MPDZ: variants seen among roughly 807,000 people sequenced by gnomAD.
MPDZ encodes the protein multiple PDZ domain crumbs cell polarity complex component.
Under a neutral mutation model 239.1 loss-of-function variants are expected in MPDZ, and 234 were observed. That is an observed-to-expected ratio of 0.98 (90% CI 0.88 to 1.09). MPDZ has a LOEUF of 1.09. Among genes scored for constraint, MPDZ ranks in the 50% least tolerant of loss-of-function variants. MPDZ has a pLI of 0.00. For missense variants in MPDZ, 3,175 were observed against 2,510.0 expected, an observed-to-expected ratio of 1.26 and a Z score of -5.66; for synonymous variants, 1,048 against 881.3, an observed-to-expected ratio of 1.19 and a Z score of -3.35.
chr9:13,192,601 A>G (rs886699062), intron 14 of MPDZ, among the ~76,000 whole-genome samples: 3 of 152,190 alleles, frequency 2.0e-5, no homozygotes, highest in Non-Finnish European at 4.4e-5. Context: ...AAGGACAAGG[A>G]GAAGAATAGT....
At chr9:13,147,699 A>G (rs751819606) in intron 25 of MPDZ, 41 bp from the exon 26 acceptor site, 58 of 1,481,886 alleles carry the variant, frequency 3.9e-5, no homozygotes, top group Non-Finnish European at 5.1e-5. Context: ...AAGAATCTAT[A>G]GAACAACAAA....
intron 42 of MPDZ, among the ~76,000 whole-genome samples, chr9:13,112,375 A>G (rs890518948): frequency 7.9e-5 from 12 of 152,200 alleles, no homozygotes; most frequent in African/African-American, 2.7e-4. Context: ...CTAAATGAAA[A>G]TCATGTTGTG....
At position 13,140,016 on chromosome 9, in the gene MPDZ, T is replaced by A; in HGVS notation, c.3974A>T (p.Asp1325Val). 6.2e-7 allele frequency: 1 copy of A among 1,613,304 alleles called. No individual in the cohort carries two copies. The highest frequency in any genetic ancestry group is 8.5e-7 in the Non-Finnish European group (1 of 1,179,684). Residue 1325 changes from aspartate to valine, a missense_variant, in exon 28 of 47, where the codon GAC becomes GTC. Transcript: ENST00000319217. ...SSASKISQDVDKEDEFGYSWK... is the reference protein window; with the variant it reads ...SSASKISQDVVKEDEFGYSWK... ...GCTGTAACCAAACTCATCCTCTTTG[T>A]CCACATCTTGTGAGATTTTGCTTGC...
intron 1 of MPDZ, among the ~76,000 whole-genome samples, chr9:13,260,573 G>C (rs1470642074): frequency 6.6e-6 from 1 of 152,188 alleles, no homozygotes; most frequent in Non-Finnish European, 1.5e-5. Flanking sequence ...CCTAACTCCA[G>C]TGTGACTGAT....
At chr9:13,113,731 T>C in intron 41 of MPDZ, among the ~76,000 whole-genome samples, 200 bp downstream of exon 41, 1 of 152,232 alleles carries the variant, frequency 6.6e-6, no homozygotes, top group East Asian at 1.9e-4. Context: ...TAGTGTATCT[T>C]GTAGGGTAAA....
intron 22 of MPDZ, among the ~76,000 whole-genome samples, chr9:13,164,607 G>A (rs1950841207): frequency 6.6e-6 from 1 of 152,152 alleles, no homozygotes; most frequent in African/African-American, 2.4e-5. Context: ...AGAAGGTAAA[G>A]ATGTTTCCAT....
chr9:13,245,960 T>C (rs1056222840), intron 3 of MPDZ, among the ~76,000 whole-genome samples: 6 of 152,212 alleles, frequency 3.9e-5, no homozygotes, highest in Non-Finnish European at 7.3e-5. Flanking sequence ...CCCAACAGAC[T>C]TGCTAGCACT....
rs376222032 is a variant in MPDZ, at chr9:13,187,332, G to C, written c.2365-946C>G. 1.8e-4 allele frequency among the ~76,000 whole-genome samples: 28 copies of C among 152,150 alleles called. No homozygotes were observed. The East Asian group carries it at 5.2e-3, about 28-fold the overall frequency. On this transcript the variant is annotated intron_variant, in intron 17 of 46. Coordinates refer to ENST00000319217, the MANE Select transcript of MPDZ (RefSeq NM_001378778.1). ...AGACTGCTTCTGAATAACTGGTATG[G>C]TTTCATCTTAAGGACAGTAAAACTA...
intron 1 of MPDZ, among the ~76,000 whole-genome samples, chr9:13,251,153 G>T (rs76331227): frequency 7.2e-6 from 1 of 139,580 alleles, no homozygotes; most frequent in Non-Finnish European, 1.6e-5. Context: ...AAAAAAAAAG[G>T]AAAAGAAAAG....
In MPDZ at chr9:13,143,587, C is replaced by T. The variant is rs1948032970; in HGVS notation, c.3742-23G>A. On this transcript the variant is annotated intron_variant, in intron 26 of 46. Coordinates refer to ENST00000319217, the MANE Select transcript of MPDZ (RefSeq NM_001378778.1). ...TTTCTAAAAGGAAACATAAGAGGCG[C>T]TGAACGCAAAGGAAATGTATTGAAA... The T allele has an allele frequency of 3.2e-6, 5 of 1,580,646 alleles. No homozygotes were observed. The South Asian group carries it at 4.4e-5, about 14-fold the overall frequency.
intron 3 of MPDZ, among the ~76,000 whole-genome samples, chr9:13,239,451 C>T (rs549914130): frequency 1.2e-4 from 18 of 152,066 alleles, no homozygotes; most frequent in Non-Finnish European, 2.5e-4. Context: ...TATAATAGAA[C>T]TAGAACAGTT....
chr9:13,112,083 G>C lies in MPDZ; in HGVS notation c.5665C>G (p.Pro1889Ala), dbSNP rs772187454. 6.2e-7 allele frequency: 1 copy of C among 1,613,568 alleles called. No individual in the cohort carries two copies. The highest frequency in any genetic ancestry group is 8.5e-7 in the Non-Finnish European group (1 of 1,179,592). ...GGVGSPLGDV[P>A]IFIAMMHPTG... ...GGGTGCATCATTGCAATAAATATAG[G>C]CACATCACCAAGTGGGCTGCCTACT... Residue 1889 changes from proline (P) to alanine (A), a missense_variant, in exon 43 of 47, where the codon CCT becomes GCT. Pro to Ala is a conservative substitution (Grantham distance 27). Coordinates refer to ENST00000319217, the MANE Select transcript of MPDZ (RefSeq NM_001378778.1).
Position 13,221,421 on chromosome 9 carries a change from G to T in MPDZ, c.827C>A (p.Ala276Glu). 1 of 1,611,270 alleles carries T rather than the reference G, an allele frequency of 6.2e-7. No individual in the cohort carries two copies. Among genetic ancestry groups the T allele is most frequent in the Non-Finnish European group, 8.5e-7 (1 of 1,178,290 alleles). The change falls in exon 7 of 47, where the codon GCA (alanine) becomes GAA (glutamate). Residue 276 changes from alanine to glutamate, a missense_variant. Ala to Glu is a moderately radical substitution (Grantham distance 107). Transcript: ENST00000319217. ...GLGFGIIGGK[A>E]TGVIVKTILP... ...AATGGTTTTTACTATCACACCAGTT[G>T]CTTTTCCTCCTATGATGCCAAATCC... is the stretch of plus-strand genomic sequence containing the variant.
intron 8 of MPDZ, 133 bp from the exon 9 acceptor site, chr9:13,217,427 T>C (rs886465580): frequency 2.9e-5 from 18 of 612,276 alleles, no homozygotes; most frequent in Non-Finnish European, 3.6e-5. Flanking sequence ...CAAAGAATTA[T>C]AGCAGAGACG....
chr9:13,162,814 C>A lies in MPDZ; in HGVS notation c.3255-19G>T. ...AGTAATTCTGGAACAAACCAGAATCCATGGAAGTGAAGGGAAATAATATTT... is the reference window on the plus strand; with the variant it reads ...AGTAATTCTGGAACAAACCAGAATCAATGGAAGTGAAGGGAAATAATATTT... On this transcript the variant is annotated intron_variant, in intron 22 of 46. Transcript: ENST00000319217. 6.6e-7 allele frequency: 1 copy of A among 1,524,236 alleles called. No homozygotes were observed. Among genetic ancestry groups the A allele is most frequent in the South Asian group, 1.2e-5 (1 of 86,074 alleles). The allele number at this position is 1,524,236 out of a possible 1,614,324, so 94.4% of individuals were successfully genotyped here.
At chr9:13,252,168 T>C (rs902175869) in intron 1 of MPDZ, among the ~76,000 whole-genome samples, 1 of 152,118 alleles carries the variant, frequency 6.6e-6, no homozygotes, top group Non-Finnish European at 1.5e-5. Context: ...AACAAATAAA[T>C]TGGTGATTTA....
At chr9:13,256,855 G>A (rs1415541192) in intron 1 of MPDZ, among the ~76,000 whole-genome samples, 2 of 152,104 alleles carry the variant, frequency 1.3e-5, no homozygotes, top group African/African-American at 4.8e-5. Flanking sequence ...CAATAGACTT[G>A]CTTGACACAG....
chr9:13,204,612 G>C (rs1460451807), intron 12 of MPDZ, among the ~76,000 whole-genome samples: 1 of 152,024 alleles, frequency 6.6e-6, no homozygotes, highest in Non-Finnish European at 1.5e-5. Flanking sequence ...AAATTGAATA[G>C]TCTCATTCCC....
At chr9:13,183,311 CATA>C in intron 19 of MPDZ, 104 bp downstream of exon 19, 1 of 852,542 alleles carries the variant, frequency 1.2e-6, no homozygotes, top group Non-Finnish European at 1.7e-6. Context: ...ACTGGAGAAA[CATA>C]ATGTCTCCAA....
Sources: gnomAD v4.1 joint callset for allele counts (sites outside exome capture counted in the v4.1 genomes callset) on GRCh38, gnomAD v4.1.1 for gene constraint, MANE v1.5 for transcripts, NCBI Gene and HGNC (gene_info 2026-07-23, HGNC 2026-07-21) for gene names.